HMBOX1: variants seen among roughly 807,000 people sequenced by gnomAD.
The protein encoded by HMBOX1 is homeobox-containing protein 1.
In HMBOX1, 14 loss-of-function variants were observed where a neutral mutation model predicts 54.5. The observed-to-expected ratio is 0.26, with a 90% CI of 0.17 to 0.40. HMBOX1 has a LOEUF of 0.40. HMBOX1 is among the 10% of genes least tolerant of loss of function. The pLI is 1.00. For missense variants in HMBOX1, 332 were observed against 514.4 expected (o/e 0.65, Z 3.43); for synonymous variants, 160 against 181.0 (o/e 0.88, Z 0.93).
intron 6 of HMBOX1, among the ~76,000 whole-genome samples, chr8:29,038,224 A>G (rs1804224681): frequency 6.6e-6 from 1 of 152,172 alleles, no homozygotes; most frequent in African/African-American, 2.4e-5. Flanking sequence ...CTCATCTCTT[A>G]TAAATTATTT....
In HMBOX1 at chr8:28,922,215, G is replaced by A. The variant is rs190343723; in HGVS notation, c.-58+31537G>A. ...ACAATACAGTCAGACAACCATTTAC[G>A]TGGTATTTACATTGTATTAGATAGT... On this transcript the variant is annotated intron_variant, in intron 1 of 9. Coordinates refer to ENST00000287701, the MANE Select transcript of HMBOX1 (RefSeq NM_001135726.3). Among the ~76,000 whole-genome samples, 12 of 152,268 alleles carry A rather than the reference G, an allele frequency of 7.9e-5. No individual in the cohort carries two copies. The East Asian group carries it at 9.6e-4, about 12-fold the overall frequency.
intron 1 of HMBOX1, among the ~76,000 whole-genome samples, chr8:28,901,099 C>G (rs1489288012): frequency 6.6e-6 from 1 of 152,114 alleles, no homozygotes; most frequent in Non-Finnish European, 1.5e-5. Flanking sequence ...TATGATTCAA[C>G]ATTTGCAAAG....
At chr8:29,035,559 C>T (rs1391319141) in intron 6 of HMBOX1, among the ~76,000 whole-genome samples, 2 of 152,150 alleles carry the variant, frequency 1.3e-5, no homozygotes, top group African/African-American at 4.8e-5. Flanking sequence ...TGCCATTGCC[C>T]TAGGAGTTTG....
intron 3 of HMBOX1, among the ~76,000 whole-genome samples, chr8:28,977,986 T>C (rs1196277956): frequency 6.6e-6 from 1 of 151,764 alleles, no homozygotes; most frequent in Non-Finnish European, 1.5e-5. Flanking sequence ...ATTTCAAATA[T>C]AGACAGTCAT....
At chr8:28,957,391 C>A (rs1280355971) in intron 1 of HMBOX1, among the ~76,000 whole-genome samples, 1 of 152,116 alleles carries the variant, frequency 6.6e-6, no homozygotes, top group Non-Finnish European at 1.5e-5. Context: ...GAGCAGTAGA[C>A]ACTGGAGACT....
chr8:29,018,694 A>C, intron 5 of HMBOX1, 66 bp from the exon 6 acceptor site: 1 of 1,506,290 alleles, frequency 6.6e-7, no homozygotes, highest in Non-Finnish European at 9.1e-7. Flanking sequence ...GTCCCATAGG[A>C]AGTAGATGTT....
chr8:28,951,624 A>G (rs1413013527), intron 1 of HMBOX1, among the ~76,000 whole-genome samples: 1 of 152,238 alleles, frequency 6.6e-6, no homozygotes, highest in Non-Finnish European at 1.5e-5. Flanking sequence ...TGTATCATAC[A>G]TGTTTAATCA....
At chr8:28,992,012 G>A (rs192443796) in intron 4 of HMBOX1, among the ~76,000 whole-genome samples, 1 of 152,320 alleles carries the variant, frequency 6.6e-6, no homozygotes, top group East Asian at 1.9e-4. Context: ...TAAGGGGATT[G>A]ACTCATTTGC....
chr8:29,047,473 G>C lies in HMBOX1; in HGVS notation c.1030+20G>C. ...ATATTGGTAATGTATCAGTGAGGCT[G>C]CTTTTCTCTTGTGCAGCAGTTGTGA... On this transcript the variant is annotated intron_variant, in intron 8 of 9. Transcript: ENST00000287701. 2 of 1,297,698 alleles carry C rather than the reference G, an allele frequency of 1.5e-6. No individual in the cohort carries two copies. The highest frequency in any genetic ancestry group is 2.2e-6 in the Non-Finnish European group (2 of 893,040). 80.4% of individuals were successfully genotyped at this position (1,297,698 alleles called of 1,614,324 possible). A position where few individuals can be genotyped will look rare whatever the true frequency, so the allele number is the denominator to read the frequency against.
rs191529422 is a variant in HMBOX1 at position 29,035,030 on chromosome 8, C to T, written c.852-10331C>T. Reference sequence around the variant, plus strand: ...GTACAAAGTATTGTGTTTCTCCCTCCGCCTTCAGAGATATATCAAGATAAT... The same window carrying T: ...GTACAAAGTATTGTGTTTCTCCCTCTGCCTTCAGAGATATATCAAGATAAT... On this transcript the variant is annotated intron_variant, in intron 6 of 9. Transcript: ENST00000287701. Among the ~76,000 whole-genome samples the T allele has an allele frequency of 3.0e-3, 452 of 152,222 alleles. 1 individual carries two copies. The highest frequency in any genetic ancestry group is 0.01 in the African/African-American group (428 of 41,528).
At chr8:29,038,025 A>G (rs1293451399) in intron 6 of HMBOX1, among the ~76,000 whole-genome samples, 1 of 152,216 alleles carries the variant, frequency 6.6e-6, no homozygotes, top group Non-Finnish European at 1.5e-5. Context: ...GATAGTTCAC[A>G]TGAAGGCACA....
chr8:28,924,101 GT>G (rs140044626), intron 1 of HMBOX1, among the ~76,000 whole-genome samples: 1 of 144,732 alleles, frequency 6.9e-6, no homozygotes, highest in African/African-American at 2.5e-5. Flanking sequence ...GGACATAAGT[GT>G]TTTTTTTTGG....
chr8:28,912,955 G>T (rs1512851), intron 1 of HMBOX1, among the ~76,000 whole-genome samples: 15,105 of 152,136 alleles, frequency 0.099, 991 homozygotes, highest in Middle Eastern at 0.16. Flanking sequence ...TGACACCAAC[G>T]ATCAAACACC....
intron 3 of HMBOX1, among the ~76,000 whole-genome samples, chr8:28,976,194 G>C (rs1828334395): frequency 6.6e-6 from 1 of 152,086 alleles, no homozygotes; most frequent in South Asian, 2.1e-4. Flanking sequence ...GATTACAGCA[G>C]ATCGTTTGTT....
chr8:28,996,782 A>G (rs1294536087), intron 4 of HMBOX1, among the ~76,000 whole-genome samples: 1 of 152,182 alleles, frequency 6.6e-6, no homozygotes. Context: ...CTTTTTATAT[A>G]TGATGTGAGG....
chr8:29,035,483 A>G (rs1305693817), intron 6 of HMBOX1, among the ~76,000 whole-genome samples: 1 of 152,198 alleles, frequency 6.6e-6, no homozygotes, highest in African/African-American at 2.4e-5. Context: ...GGCTGACAAA[A>G]CTGAGAAAGC....
intron 1 of HMBOX1, among the ~76,000 whole-genome samples, chr8:28,898,700 A>T (rs573134107): frequency 1.3e-5 from 2 of 152,098 alleles, no homozygotes; most frequent in African/African-American, 2.4e-5. Context: ...TGCTTCTCTG[A>T]CTGGTAAGTG....
intron 1 of HMBOX1, among the ~76,000 whole-genome samples, chr8:28,897,491 A>G (rs1812375919): frequency 6.6e-6 from 1 of 152,148 alleles, no homozygotes; most frequent in South Asian, 2.1e-4. Flanking sequence ...CCTGACCAAC[A>G]TGGTGAAACT....
At chr8:28,960,113 ATTAAT>A (rs1825199191) in intron 1 of HMBOX1, among the ~76,000 whole-genome samples, 1 of 151,896 alleles carries the variant, frequency 6.6e-6, no homozygotes, top group African/African-American at 2.4e-5. Flanking sequence ...TTCATTTTAT[ATTAAT>A]TTCAAATATT....
Sources: gnomAD v4.1 joint callset for allele counts (sites outside exome capture counted in the v4.1 genomes callset) on GRCh38, gnomAD v4.1.1 for gene constraint, MANE v1.5 for transcripts, NCBI Gene and HGNC (gene_info 2026-07-23, HGNC 2026-07-21) for gene names.